Variants in PDE6B observed in about 807,000 individuals in gnomAD.
PDE6B encodes rod cGMP-specific 3',5'-cyclic phosphodiesterase subunit beta.
Under a neutral mutation model 109.0 loss-of-function variants are expected in PDE6B, and 106 were observed. That is an observed-to-expected ratio of 0.97 (90% confidence interval 0.83 to 1.14). The LOEUF (loss-of-function observed/expected upper bound fraction) is 1.14, where lower values mean the gene tolerates loss of function less well. Among genes scored for constraint, PDE6B ranks in the 50% most tolerant of loss-of-function variants. The pLI, the probability that PDE6B is intolerant of heterozygous loss-of-function variation, is 0.00. For synonymous variants in PDE6B, 490 were observed against 471.3 expected (o/e 1.04, Z -0.51); for missense variants, 1,193 against 1,155.6 (o/e 1.03, Z -0.47).
chr4:661,830 G>A (rs1737135903), intron 12 of PDE6B: 8 of 449,354 alleles, frequency 1.8e-5, no homozygotes, highest in South Asian at 1.2e-4. Flanking sequence ...ATCCCCAGGG[G>A]TCCTCCTCCC....
intron 1 of PDE6B, among the ~76,000 whole-genome samples, chr4:627,109 G>T (rs557369435): frequency 6.6e-6 from 1 of 152,144 alleles, no homozygotes; most frequent in East Asian, 1.9e-4. Context: ...TCCTTCCCAG[G>T]CAGCTGGGGA....
chr4:661,781 A>T, intron 12 of PDE6B: 1 of 350,620 alleles, frequency 2.9e-6, no homozygotes, highest in Non-Finnish European at 5.6e-6. Context: ...TGCTCATTCA[A>T]ATGTCCATGC....
chr4:653,671 G>A (rs537897576), intron 3 of PDE6B, 181 bp from the exon 4 acceptor site: 17 of 723,426 alleles, frequency 2.3e-5, no homozygotes, highest in African/African-American at 2.1e-4. Flanking sequence ...GGCCCCACAA[G>A]CTCAGATGAA....
chr4:652,641 A>AGCCGGGCGCGGTGGCTCACGCCTGT, intron 3 of PDE6B: 1 of 291,614 alleles, frequency 3.4e-6, no homozygotes, highest in Non-Finnish European at 5.1e-6. Context: ...AATACAGTAG[A>AGCCGGGCGCGGTGGCTCACGCCTGT]ACAGCCGTTT....
chr4:647,194 C>T (rs1004652702), intron 3 of PDE6B, among the ~76,000 whole-genome samples: 1 of 151,990 alleles, frequency 6.6e-6, no homozygotes, highest in East Asian at 1.9e-4. Context: ...TCTGATAATT[C>T]CCAACTTCGT....
In PDE6B at chr4:633,500, AG is replaced by A. The variant is rs976247148; in HGVS notation, c.469-1172del. Among the ~76,000 whole-genome samples the A allele has an allele frequency of 2.0e-5, 3 of 152,086 alleles. No homozygotes were observed. The highest frequency in any genetic ancestry group is 2.9e-5 in the Non-Finnish European group (2 of 68,000). On this transcript the variant is annotated intron_variant, in intron 1 of 21. Coordinates refer to ENST00000496514, the MANE Select transcript of PDE6B (RefSeq NM_000283.4). This position sits in a 1 kb window ranked among gnomAD's most constrained non-coding sequence, Gnocchi z 4.5. ...GACCTCTCAACCTTGCTGCAGGGGA[AG>A]GGGGTGGAGGGGAGTTGCGAGGAGT...
At chr4:655,588 A>C in intron 6 of PDE6B, 5 of 409,444 alleles carry the variant, frequency 1.2e-5, no homozygotes, top group Non-Finnish European at 2.3e-5. Context: ...AGGAGGAAGA[A>C]GGCAGCACAG....
At position 656,331 on chromosome 4, in the gene PDE6B, C is replaced by A. The variant is rs554629762; in HGVS notation, c.1107+39C>A. The A allele has an allele frequency of 2.3e-5, 30 of 1,288,076 alleles. No individual in the cohort carries two copies. In the African/African-American group the frequency reaches 4.1e-4, roughly 17 times the overall value. 79.8% of individuals were successfully genotyped at this position (1,288,076 alleles called of 1,614,324 possible). A position where few individuals can be genotyped will look rare whatever the true frequency, so the allele number is the denominator to read the frequency against. On this transcript the variant is annotated intron_variant, in intron 8 of 21. Coordinates refer to ENST00000496514, the MANE Select transcript of PDE6B (RefSeq NM_000283.4). ...CCTTGGTAGAAATTATACTTACTTA[C>A]AAAAGAGGAGATTTTGATTCAGCGA...
At chr4:664,333 C>T (rs549612978) in intron 17 of PDE6B, 112 bp downstream of exon 17, 1 of 733,174 alleles carries the variant, frequency 1.4e-6, no homozygotes, top group African/African-American at 1.7e-5. Context: ...AGGAAGAGCC[C>T]GTCGCGGCAG....
Position 626,606 on chromosome 4 carries a change from G to A in PDE6B, c.468+512G>A, listed in dbSNP as rs1451632027. Among the ~76,000 whole-genome samples the A allele has an allele frequency of 6.6e-6, 1 of 152,230 alleles. No homozygotes were observed. Among genetic ancestry groups the A allele is most frequent in the Non-Finnish European group, 1.5e-5 (1 of 68,048 alleles). ...CCAAACTTCCACTGTGGCAGAAGCA[G>A]CTTTATCCCATGGGAGCCCACGCCA... On this transcript the variant is annotated intron_variant, in intron 1 of 21. Transcript: ENST00000496514. This position sits in a 1 kb window ranked among gnomAD's most constrained non-coding sequence, Gnocchi z 4.6.
At chr4:637,324 C>G (rs1263360707) in intron 3 of PDE6B, among the ~76,000 whole-genome samples, 2 of 151,982 alleles carry the variant, frequency 1.3e-5, no homozygotes, top group Non-Finnish European at 2.9e-5. Context: ...CCGGTTCAAA[C>G]GATTTCCTGC....
Position 656,265 on chromosome 4 carries a change from T to C in PDE6B, c.1080T>C (p.Ala360=). ...TTCAGATTTGTAACATCATGAATGCTTCCGCTGACGAAATGTTCAAATTTC... is the reference window on the plus strand; with the variant it reads ...TTCAGATTTGTAACATCATGAATGCCTCCGCTGACGAAATGTTCAAATTTC... ...ESGFICNIMN[A]SADEMFKFQE... is the part of the protein sequence containing the mutation. Residue 360 remains alanine, a synonymous_variant, in exon 8 of 22, where the codon GCT becomes GCC. Coordinates refer to ENST00000496514, the MANE Select transcript of PDE6B (RefSeq NM_000283.4). The C allele has an allele frequency of 1.3e-6, 2 of 1,597,950 alleles. No homozygotes were observed. The highest frequency in any genetic ancestry group is 1.7e-6 in the Non-Finnish European group (2 of 1,165,368).
intron 6 of PDE6B, chr4:655,287 C>T (rs1419611025): frequency 3.2e-6 from 1 of 310,574 alleles, no homozygotes; most frequent in African/African-American, 2.2e-5. Flanking sequence ...AGTCTTGGCC[C>T]CGTGGGGCTG....
At chr4:644,362 T>C (rs1042845242) in intron 3 of PDE6B, among the ~76,000 whole-genome samples, 2 of 152,020 alleles carry the variant, frequency 1.3e-5, no homozygotes, top group African/African-American at 2.4e-5. Context: ...ATATTTTTCA[T>C]TATTTTTATT....
chr4:662,044 G>A lies in PDE6B; in HGVS notation c.1615-90G>A. On this transcript the variant is annotated intron_variant, in intron 12 of 21. Coordinates refer to ENST00000496514, the MANE Select transcript of PDE6B (RefSeq NM_000283.4). The surrounding 1 kb of genome is among the most constrained non-coding windows in gnomAD (Gnocchi z 4.3). ...GGTGTGGGGATGATGGCACGGAGCA[G>A]GGCTTCCACTGTGAAGTCAGCCACA... 1.4e-6 allele frequency: 1 copy of A among 720,358 alleles called. No homozygotes were observed. The highest frequency in any genetic ancestry group is 2.6e-6 in the Non-Finnish European group (1 of 392,124). The allele number at this position is 720,358 out of a possible 1,614,324, so 44.6% of individuals were successfully genotyped here.
chr4:647,965 C>T (rs1034813131), intron 3 of PDE6B, among the ~76,000 whole-genome samples: 12 of 151,924 alleles, frequency 7.9e-5, no homozygotes, highest in African/African-American at 2.7e-4. Context: ...ACCCCAGCTA[C>T]TCAGGAGGCT....
At position 663,992 on chromosome 4, in the gene PDE6B, C is replaced by T. The variant is rs1004220866; in HGVS notation, c.2021+122C>T. 5.4e-6 allele frequency: 6 copies of T among 1,104,946 alleles called. No individual in the cohort carries two copies. Among genetic ancestry groups the T allele is most frequent in the African/African-American group, 1.5e-5 (1 of 64,778 alleles). The allele number at this position is 1,104,946 out of a possible 1,614,324, so 68.4% of individuals were successfully genotyped here. ...CGCAGCCCCGGATTCCGTCCCTGCC[C>T]GCCGGCCCCGCGCACCCCGGATGGG... is the stretch of plus-strand genomic sequence containing the variant. On this transcript the variant is annotated intron_variant, in intron 16 of 21. Transcript: ENST00000496514. This position sits in a 1 kb window ranked among gnomAD's most constrained non-coding sequence, Gnocchi z 4.0.
chr4:657,175 C>A (rs1238640664), intron 9 of PDE6B, 152 bp downstream of exon 9: 4 of 1,092,896 alleles, frequency 3.7e-6, no homozygotes, highest in Non-Finnish European at 5.5e-6. Context: ...CGACAAAGGG[C>A]CCCCCCGGGA....
In PDE6B at chr4:664,921, A is replaced by C; in HGVS notation, c.2170A>C (p.Lys724Gln). 6.2e-7 allele frequency: 1 copy of C among 1,613,210 alleles called. No homozygotes were observed. The highest frequency in any genetic ancestry group is 8.5e-7 in the Non-Finnish European group (1 of 1,179,854). The change falls in exon 18 of 22, where the codon AAG (lysine) becomes CAG (glutamine). Residue 724 changes from lysine to glutamine, a missense_variant. Lys to Gln is a moderately conservative substitution (Grantham distance 53). Transcript: ENST00000496514. ...MTACDLSAITKPWEVQSKVAL... is the reference protein window; with the variant it reads ...MTACDLSAITQPWEVQSKVAL... ...AGCCTGCGACCTGTCTGCCATCACC[A>C]AGCCCTGGGAAGTCCAGAGCAAGGT... is the stretch of plus-strand genomic sequence containing the variant.
Sources: allele counts gnomAD v4.1 joint callset (sites outside exome capture counted in the v4.1 genomes callset), GRCh38; gene constraint gnomAD v4.1.1; non-coding constraint Gnocchi (gnomAD v3.1); transcripts MANE v1.5; gene names NCBI Gene and HGNC (gene_info 2026-07-23, HGNC 2026-07-21).